The following MYO1D variants were observed in gnomAD, a reference collection of about 807,000 sequenced individuals.
The protein encoded by MYO1D is unconventional myosin-Id.
Under a neutral mutation model 122.0 loss-of-function variants are expected in MYO1D, and 83 were observed. The ratio of observed to expected loss-of-function variants is 0.68; its 90% CI spans 0.57 to 0.82. MYO1D has a LOEUF of 0.82. MYO1D is among the 40% of genes least tolerant of loss of function. MYO1D has a pLI of 0.00. For synonymous variants in MYO1D, 464 were observed against 446.9 expected (o/e 1.04, Z -0.48); for missense variants, 1,157 against 1,269.5 (o/e 0.91, Z 1.35).
chr17:32,563,204 CTCTTT>C lies in MYO1D; in HGVS notation c.2864+41878_2864+41882del, dbSNP rs1192149167. Among the ~76,000 whole-genome samples, 196 of 105,126 alleles carry C rather than the reference CTCTTT, an allele frequency of 1.9e-3. 1 individual carries two copies. Among genetic ancestry groups the C allele is most frequent in the Middle Eastern group, 6.7e-3 (1 of 150 alleles). The allele number at this position is 105,126 out of a possible 152,430, so 69.0% of individuals were successfully genotyped here. A position where few individuals can be genotyped will look rare whatever the true frequency, so the allele number is the denominator to read the frequency against. ...GCAATTACAGCTCTTTTTTTCTTCT[CTCTTT>C]TTTTTTTTTTTTTTTTTTGAGACAG... On this transcript the variant is annotated intron_variant, in intron 21 of 21. Coordinates refer to ENST00000318217, the MANE Select transcript of MYO1D (RefSeq NM_015194.3).
intron 14 of MYO1D, among the ~76,000 whole-genome samples, chr17:32,731,382 A>G (rs1200914981): frequency 6.6e-6 from 1 of 151,962 alleles, no homozygotes; most frequent in African/African-American, 2.4e-5. Context: ...TCAATTGTCT[A>G]GTTGCTTGTT....
intron 1 of MYO1D, among the ~76,000 whole-genome samples, chr17:32,813,324 G>A (rs991957421): frequency 1.3e-5 from 2 of 152,228 alleles, no homozygotes; most frequent in Non-Finnish European, 2.9e-5. Flanking sequence ...ATGCAGACAA[G>A]TAAAAGGAAA....
chr17:32,572,189 G>A (rs1270497500), intron 21 of MYO1D, among the ~76,000 whole-genome samples: 1 of 139,428 alleles, frequency 7.2e-6, no homozygotes, highest in Non-Finnish European at 1.5e-5. Flanking sequence ...TTTCTAAGGT[G>A]CTGATGCCAG....
chr17:32,728,520 A>G (rs951862884), intron 14 of MYO1D, among the ~76,000 whole-genome samples: 2 of 152,152 alleles, frequency 1.3e-5, no homozygotes, highest in African/African-American at 4.8e-5. Context: ...ATTATTTTTT[A>G]AAGACAAACA....
rs2091218480 is a variant in MYO1D, at chr17:32,875,283, C to T, written c.95+1495G>A. On this transcript the variant is annotated intron_variant, in intron 1 of 21. Transcript: ENST00000318217. ...TCTCTTAATTTAAAACAACCTTAAT[C>T]TATGAAATTGCTATGTAACTTACCC... Among the ~76,000 whole-genome samples the T allele has an allele frequency of 2.0e-5, 3 of 152,306 alleles. No individual in the cohort carries two copies. The South Asian group carries it at 6.2e-4, about 32-fold the overall frequency.
intron 16 of MYO1D, among the ~76,000 whole-genome samples, chr17:32,704,892 C>T (rs1020848270): frequency 6.6e-6 from 1 of 151,986 alleles, no homozygotes; most frequent in Admixed American, 6.5e-5. Context: ...TTTAAATTTG[C>T]ATTTAATATA....
chr17:32,785,437 T>A (rs2090283620), intron 1 of MYO1D, among the ~76,000 whole-genome samples: 1 of 152,242 alleles, frequency 6.6e-6, no homozygotes, highest in Non-Finnish European at 1.5e-5. Flanking sequence ...TGATTTGGCC[T>A]GTCTTCCTTC....
intron 1 of MYO1D, among the ~76,000 whole-genome samples, chr17:32,788,569 C>T (rs9911196): frequency 0.49 from 75,146 of 151,960 alleles, 18,874 homozygotes; most frequent in East Asian, 0.73. Context: ...TGGCTGTACT[C>T]GACTTTATTT....
intron 20 of MYO1D, among the ~76,000 whole-genome samples, chr17:32,637,352 T>C (rs1361154387): frequency 1.3e-5 from 2 of 152,230 alleles, no homozygotes; most frequent in South Asian, 2.1e-4. Flanking sequence ...TATAAGTCTA[T>C]ATATAAGAAG....
At chr17:32,696,449 A>G (rs1308775124) in intron 16 of MYO1D, among the ~76,000 whole-genome samples, 1 of 152,244 alleles carries the variant, frequency 6.6e-6, no homozygotes, top group Non-Finnish European at 1.5e-5. Context: ...CAAAAAAAGT[A>G]TAACCAAATT....
At chr17:32,818,575 A>G (rs1567656840) in intron 1 of MYO1D, among the ~76,000 whole-genome samples, 1 of 152,244 alleles carries the variant, frequency 6.6e-6, no homozygotes. Flanking sequence ...GGGGAAATAA[A>G]GTGAAAGCCT....
intron 1 of MYO1D, among the ~76,000 whole-genome samples, chr17:32,849,472 A>G (rs1382452636): frequency 2.0e-5 from 3 of 150,556 alleles, no homozygotes; most frequent in African/African-American, 7.5e-5. Flanking sequence ...ACACCATGGA[A>G]TACTATGCAG....
At chr17:32,665,505 A>G (rs2150957456) in intron 16 of MYO1D, among the ~76,000 whole-genome samples, 1 of 152,214 alleles carries the variant, frequency 6.6e-6, no homozygotes, top group African/African-American at 2.4e-5. Flanking sequence ...CGGCTGTCAC[A>G]TTTTCCATCT....
chr17:32,522,983 G>A (rs1037582903), intron 21 of MYO1D, among the ~76,000 whole-genome samples: 7 of 152,018 alleles, frequency 4.6e-5, no homozygotes, highest in Admixed American at 3.3e-4. Context: ...TGCCCGGCTA[G>A]TTTTTTGTAT....
chr17:32,496,200 AGTAATGG>A (rs1194910989), intron 21 of MYO1D: 8 of 152,242 alleles, frequency 5.3e-5, no homozygotes, highest in Admixed American at 1.3e-4. Flanking sequence ...GCGTGCCCAG[AGTAATGG>A]GTGTCACTAG....
At chr17:32,736,847 G>A (rs2089707665) in intron 14 of MYO1D, among the ~76,000 whole-genome samples, 1 of 152,132 alleles carries the variant, frequency 6.6e-6, no homozygotes, top group South Asian at 2.1e-4. Flanking sequence ...GATGAAGCAG[G>A]CTGCAGTTGA....
intron 21 of MYO1D, among the ~76,000 whole-genome samples, chr17:32,571,812 A>G (rs763680038): frequency 1.1e-4 from 16 of 152,204 alleles, no homozygotes; most frequent in Admixed American, 2.6e-4. Flanking sequence ...TTACTCTAGC[A>G]AAGTAACCCA....
intron 12 of MYO1D, among the ~76,000 whole-genome samples, chr17:32,748,694 C>T (rs557235011): frequency 3.5e-4 from 54 of 152,274 alleles, no homozygotes; most frequent in South Asian, 1.9e-3. Context: ...TTACTGAACA[C>T]GAACTATGCC....
intron 19 of MYO1D, among the ~76,000 whole-genome samples, chr17:32,647,687 ATT>A (rs10561856): frequency 0.27 from 36,458 of 136,030 alleles, 4,700 homozygotes; most frequent in African/African-American, 0.4. Context: ...TAGCTTATAC[ATT>A]TTTTTTTTTT....
Sources: gnomAD v4.1 joint callset for allele counts (sites outside exome capture counted in the v4.1 genomes callset) on GRCh38, gnomAD v4.1.1 for gene constraint, MANE v1.5 for transcripts, NCBI Gene and HGNC (gene_info 2026-07-23, HGNC 2026-07-21) for gene names.